The following IKZF2 variants were observed in gnomAD, a reference collection of about 807,000 sequenced individuals.
The protein encoded by IKZF2 is IKAROS family zinc finger 2.
IKZF2 carries 15 observed loss-of-function variants against 49.2 expected under a neutral mutation model. The observed-to-expected ratio is 0.30, with a 90% confidence interval of 0.20 to 0.47. The LOEUF is 0.47. Among genes scored for constraint, IKZF2 ranks in the 20% least tolerant of loss-of-function variants. IKZF2 has a pLI of 1.00. For synonymous variants in IKZF2, 227 were observed against 221.4 expected (o/e 1.03, Z -0.23); for missense variants, 567 against 664.6 (o/e 0.85, Z 1.61).
At chr2:213,099,952 C>T (rs554289006) in intron 4 of IKZF2, among the ~76,000 whole-genome samples, 2 of 152,180 alleles carry the variant, frequency 1.3e-5, no homozygotes, top group East Asian at 3.9e-4. Flanking sequence ...AATTGGCTTT[C>T]ATTTTCATTT....
At chr2:213,096,080 A>G (rs1001063384) in intron 4 of IKZF2, among the ~76,000 whole-genome samples, 4 of 151,866 alleles carry the variant, frequency 2.6e-5, no homozygotes, top group African/African-American at 9.7e-5. Context: ...ACTGGAGAAG[A>G]GGGTATAGCT....
intron 4 of IKZF2, among the ~76,000 whole-genome samples, chr2:213,087,057 CA>C (rs1226161528): frequency 6.6e-6 from 1 of 152,056 alleles, no homozygotes; most frequent in East Asian, 1.9e-4. Context: ...ACACCTTCCA[CA>C]ATACCAGTAC....
chr2:213,030,088 A>T (rs1410196889), intron 6 of IKZF2, among the ~76,000 whole-genome samples: 1 of 151,984 alleles, frequency 6.6e-6, no homozygotes, highest in Non-Finnish European at 1.5e-5. Flanking sequence ...GTATATATTA[A>T]CGCCTTTGAC....
At chr2:213,058,636 C>T (rs950535058) in intron 4 of IKZF2, among the ~76,000 whole-genome samples, 7 of 151,676 alleles carry the variant, frequency 4.6e-5, no homozygotes, top group Admixed American at 1.3e-4. Context: ...ATTGTTACTC[C>T]CTTACTAGTT....
chr2:213,010,511 G>A (rs1695829795), intron 8 of IKZF2, among the ~76,000 whole-genome samples: 1 of 152,090 alleles, frequency 6.6e-6, no homozygotes, highest in South Asian at 2.1e-4. Context: ...AAATGGTTCT[G>A]AGCCTGCTTC....
chr2:213,073,387 T>C (rs1702913137), intron 4 of IKZF2, among the ~76,000 whole-genome samples: 1 of 152,130 alleles, frequency 6.6e-6, no homozygotes. Flanking sequence ...ACTAACTCCA[T>C]ATTTACCACA....
At position 213,133,679 on chromosome 2, in the gene IKZF2, G is replaced by A. The variant is rs560342905; in HGVS notation, c.139+14029C>T. ...CGCACCACCGCACTCTAGCCTGGGC[G>A]ACAAAGATAGACTCCGTCTCGAAAA... On this transcript the variant is annotated intron_variant, in intron 4 of 8. Transcript: ENST00000434687. 1.5e-4 allele frequency among the ~76,000 whole-genome samples: 23 copies of A among 149,100 alleles called. No homozygotes were observed. In the East Asian group the frequency reaches 3.8e-3, roughly 24 times the overall value.
At chr2:213,033,272 CT>C (rs1559185648) in intron 6 of IKZF2, among the ~76,000 whole-genome samples, 1 of 152,214 alleles carries the variant, frequency 6.6e-6, no homozygotes, top group Non-Finnish European at 1.5e-5. Context: ...AGTCCTGAAC[CT>C]CCTGAAAGTC....
At position 213,132,559 on chromosome 2, in the gene IKZF2, G is replaced by T. The variant is rs534180986; in HGVS notation, c.139+15149C>A. 3.9e-5 allele frequency among the ~76,000 whole-genome samples: 6 copies of T among 152,298 alleles called. No homozygotes were observed. In the East Asian group the frequency reaches 9.6e-4, roughly 24 times the overall value. ...CTGAGAATTCCAGATATGCAACAGA[G>T]ACATGAATTTAATATAACACATAGA... On this transcript the variant is annotated intron_variant, in intron 4 of 8. Transcript: ENST00000434687.
upstream of IKZF2, chr2:213,152,387 A>ACT (rs879613466): frequency 9.2e-5 from 14 of 152,330 alleles, no homozygotes; most frequent in Admixed American, 8.5e-4. Flanking sequence ...AAGCGGGATA[A>ACT]GAGGGGTCCT....
At chr2:213,109,751 A>G (rs2059641685) in intron 4 of IKZF2, among the ~76,000 whole-genome samples, 2 of 152,068 alleles carry the variant, frequency 1.3e-5, no homozygotes, top group African/African-American at 4.8e-5. Flanking sequence ...TTTCAAGAAG[A>G]AAAACATAAG....
intron 6 of IKZF2, among the ~76,000 whole-genome samples, chr2:213,022,544 A>G (rs1697343851): frequency 6.6e-6 from 1 of 152,122 alleles, no homozygotes; most frequent in Admixed American, 6.5e-5. Flanking sequence ...AGAATTTTAC[A>G]GAAGAAAACT....
intron 4 of IKZF2, among the ~76,000 whole-genome samples, chr2:213,108,901 C>T (rs554393993): frequency 1.3e-5 from 2 of 152,146 alleles, no homozygotes; most frequent in South Asian, 2.1e-4. Context: ...GGTGTATATT[C>T]ATCTCATCTT....
At chr2:213,085,189 G>A (rs951771746) in intron 4 of IKZF2, among the ~76,000 whole-genome samples, 22 of 152,130 alleles carry the variant, frequency 1.4e-4, no homozygotes, top group Non-Finnish European at 3.1e-4. Flanking sequence ...GATGTTAAAA[G>A]CAATTTTTAG....
At chr2:213,147,842 T>C (rs1337841896) in intron 3 of IKZF2, 30 bp from the exon 4 acceptor site, 1 of 1,527,530 alleles carries the variant, frequency 6.5e-7, no homozygotes, top group Admixed American at 1.7e-5. Context: ...TCTTTTGGTT[T>C]CTATTCATTG....
rs1695410173 is a variant in IKZF2, at chr2:213,007,120, A to G, written c.*240T>C. 4.9e-6 allele frequency: 2 copies of G among 411,658 alleles called. No homozygotes were observed. The highest frequency in any genetic ancestry group is 2.0e-5 in the African/African-American group (1 of 49,080). The allele number at this position is 411,658 out of a possible 1,614,324, so 25.5% of individuals were successfully genotyped here. On this transcript the variant is annotated 3_prime_UTR_variant, in exon 9 of 9. Transcript: ENST00000434687. ...AATGGACTGCTCTTAAATTCCCACAAAATAAACAAGCCAGGTGATAAAGAA... is the reference window on the plus strand; with the variant it reads ...AATGGACTGCTCTTAAATTCCCACAGAATAAACAAGCCAGGTGATAAAGAA...
chr2:213,090,743 G>C (rs929661988), intron 4 of IKZF2, among the ~76,000 whole-genome samples: 1 of 152,122 alleles, frequency 6.6e-6, no homozygotes, highest in Non-Finnish European at 1.5e-5. Context: ...TGAAGGCAAA[G>C]ATGAGGGTGA....
At chr2:213,031,467 C>T (rs993999805) in intron 6 of IKZF2, among the ~76,000 whole-genome samples, 2 of 152,108 alleles carry the variant, frequency 1.3e-5, no homozygotes, top group African/African-American at 4.8e-5. Flanking sequence ...AAGAAAACTG[C>T]TTTTTATTGT....
chr2:213,045,453 T>C (rs900088076), intron 6 of IKZF2, among the ~76,000 whole-genome samples: 3 of 152,186 alleles, frequency 2.0e-5, no homozygotes, highest in African/African-American at 7.2e-5. Flanking sequence ...ACTTTTACTC[T>C]CTTACCTTAA....
Sources: allele counts gnomAD v4.1 joint callset (sites outside exome capture counted in the v4.1 genomes callset), GRCh38; gene constraint gnomAD v4.1.1; transcripts MANE v1.5; gene names NCBI Gene and HGNC (gene_info 2026-07-23, HGNC 2026-07-21).